Variants in PTPRT observed in about 807,000 individuals in gnomAD.
The protein encoded by PTPRT is receptor-type tyrosine-protein phosphatase T.
A neutral mutation model predicts 176.8 loss-of-function variants in PTPRT; 56 were observed. The observed-to-expected ratio is 0.32, with a 90% confidence interval of 0.26 to 0.40. The LOEUF is 0.40. Ranked by LOEUF, PTPRT falls within the 10% of genes least tolerant of loss-of-function variation. The pLI is 1.00. For missense variants in PTPRT, 1,540 were observed against 1,908.2 expected (o/e 0.81, Z 3.60); for synonymous variants, 783 against 739.0 (o/e 1.06, Z -0.96).
chr20:43,144,537 C>T (rs1200851940), intron 1 of PTPRT, among the ~76,000 whole-genome samples: 1 of 152,174 alleles, frequency 6.6e-6, no homozygotes, highest in Non-Finnish European at 1.5e-5. Flanking sequence ...ACTTCTACCA[C>T]CTTACCCACT....
At chr20:42,655,674 T>C (rs1293850019) in intron 7 of PTPRT, among the ~76,000 whole-genome samples, 1 of 152,126 alleles carries the variant, frequency 6.6e-6, no homozygotes, top group Non-Finnish European at 1.5e-5. Context: ...TGCACAGTAG[T>C]ATGGCTGATT....
intron 5 of PTPRT, among the ~76,000 whole-genome samples, chr20:42,757,610 T>C (rs2076854325): frequency 6.6e-6 from 1 of 152,252 alleles, no homozygotes; most frequent in East Asian, 1.9e-4. Flanking sequence ...CTTATCTATG[T>C]ATGATACAAA....
intron 7 of PTPRT, among the ~76,000 whole-genome samples, chr20:42,515,298 C>A (rs897299812): frequency 2.0e-5 from 3 of 152,126 alleles, no homozygotes; most frequent in African/African-American, 7.2e-5. Context: ...GCCTGGCCAA[C>A]ATGGTGAAAC....
intron 13 of PTPRT, among the ~76,000 whole-genome samples, chr20:42,276,496 A>AATATATATATATATAT (rs61484693): frequency 6.8e-5 from 3 of 44,204 alleles, no homozygotes; most frequent in Admixed American, 3.1e-4. Context: ...GAAAGAAGGA[A>AATATATATATATATAT]ATATATATAT....
chr20:42,084,811 TG>T lies in PTPRT; in HGVS notation c.4006del (p.Gln1336SerfsTer44). 1 of 1,533,860 alleles carries T rather than the reference TG, an allele frequency of 6.5e-7. No homozygotes were observed. On this transcript the variant is annotated frameshift_variant, in exon 29 of 31. Transcript: ENST00000373187. LOFTEE classifies it high-confidence loss of function. Reference protein sequence around the residue: ...QDGYRIVQHLQYIGWPAYRDT... With the variant: ...QDGYRIVQHLXYIGWPAYRDT... ...CCGGTAGGCAGGCCAGCCAATGTACTGGAGGTGCTGGACTATACGATAACCA... is the reference window on the plus strand; with the variant it reads ...CCGGTAGGCAGGCCAGCCAATGTACTGAGGTGCTGGACTATACGATAACCA...
intron 1 of PTPRT, among the ~76,000 whole-genome samples, chr20:42,888,546 G>T (rs921402163): frequency 2.0e-5 from 3 of 152,210 alleles, no homozygotes; most frequent in Non-Finnish European, 4.4e-5. Context: ...CAACATGGAA[G>T]GAAAGTGTTG....
chr20:42,734,521 C>T (rs912836374), intron 6 of PTPRT, among the ~76,000 whole-genome samples: 1 of 152,156 alleles, frequency 6.6e-6, no homozygotes, highest in African/African-American at 2.4e-5. Context: ...AAGGGCAGAG[C>T]ATGGCAGGAT....
At chr20:42,227,391 G>A (rs117152798) in intron 15 of PTPRT, among the ~76,000 whole-genome samples, 1 of 152,068 alleles carries the variant, frequency 6.6e-6, no homozygotes, top group South Asian at 2.1e-4. Flanking sequence ...GGCAAGTTCT[G>A]AAGGGGGGCT....
chr20:42,092,489 G>A (rs1043637340), intron 27 of PTPRT, among the ~76,000 whole-genome samples: 6 of 152,202 alleles, frequency 3.9e-5, no homozygotes, highest in African/African-American at 1.4e-4. Flanking sequence ...AGAAAGTAAA[G>A]GAACTGGCTC....
intron 15 of PTPRT, among the ~76,000 whole-genome samples, chr20:42,199,747 T>C (rs1991375975): frequency 6.6e-6 from 1 of 152,112 alleles, no homozygotes; most frequent in Non-Finnish European, 1.5e-5. Context: ...GGCCTTTCTG[T>C]TTCTGTGGCT....
chr20:43,153,776 T>C (rs139252950), intron 1 of PTPRT, among the ~76,000 whole-genome samples: 276 of 152,326 alleles, frequency 1.8e-3, no homozygotes, highest in Admixed American at 3.9e-3. Flanking sequence ...TCGGTCAATG[T>C]AACTGCAGTG....
chr20:42,906,977 ACCATG>A (rs2079486857), intron 1 of PTPRT, among the ~76,000 whole-genome samples: 1 of 152,146 alleles, frequency 6.6e-6, no homozygotes. Flanking sequence ...CAAAGAGCAC[ACCATG>A]TCACAGGCCC....
intron 7 of PTPRT, among the ~76,000 whole-genome samples, chr20:42,576,614 C>A (rs975073131): frequency 2.0e-5 from 3 of 152,096 alleles, no homozygotes; most frequent in South Asian, 4.1e-4. Context: ...CTGGAACTTG[C>A]AAGTCTGGAG....
At chr20:42,237,628 A>G (rs941049077) in intron 14 of PTPRT, among the ~76,000 whole-genome samples, 10 of 152,242 alleles carry the variant, frequency 6.6e-5, no homozygotes, top group African/African-American at 2.4e-4. Flanking sequence ...AGAAAGCTTC[A>G]AAAATCACTG....
chr20:42,043,639 G>T, the PTPRT span, among the ~76,000 whole-genome samples: 12 of 152,142 alleles, frequency 7.9e-5, no homozygotes, highest in Non-Finnish European at 8.8e-5. Context: ...TTGCAGAGCC[G>T]CTGTGGACAT....
intron 6 of PTPRT, among the ~76,000 whole-genome samples, chr20:42,704,168 T>C (rs1360164148): frequency 6.6e-6 from 1 of 152,142 alleles, no homozygotes; most frequent in Non-Finnish European, 1.5e-5. Flanking sequence ...GCTCTACTAT[T>C]ATCCCCTTCT....
Position 42,486,438 on chromosome 20 carries a change from A to G in PTPRT, c.1154-13876T>C, listed in dbSNP as rs188947925. ...GATACTTGATGTTTTCACATTTTCT[A>G]TCTCTTGCACATTAAAACTTATTTA... On this transcript the variant is annotated intron_variant, in intron 7 of 30. Transcript: ENST00000373187. 7.2e-5 allele frequency among the ~76,000 whole-genome samples: 11 copies of G among 152,230 alleles called. No homozygotes were observed. The East Asian group carries it at 2.1e-3, about 29-fold the overall frequency.
intron 7 of PTPRT, among the ~76,000 whole-genome samples, chr20:42,502,541 C>T (rs1423695789): frequency 6.6e-6 from 1 of 151,664 alleles, no homozygotes; most frequent in East Asian, 1.9e-4. Context: ...TTCTTCTTTG[C>T]CTTGCAGTTT....
chr20:42,131,497 G>T (rs1797623942), intron 18 of PTPRT, among the ~76,000 whole-genome samples: 1 of 152,140 alleles, frequency 6.6e-6, no homozygotes, highest in Admixed American at 6.5e-5. Flanking sequence ...AAATGAAGTT[G>T]AAAAACCGGA....
Sources: gnomAD v4.1 joint callset for allele counts (sites outside exome capture counted in the v4.1 genomes callset) on GRCh38, gnomAD v4.1.1 for gene constraint, MANE v1.5 for transcripts, NCBI Gene and HGNC (gene_info 2026-07-23, HGNC 2026-07-21) for gene names.